Variants in NDUFAF6 observed in about 807,000 individuals in gnomAD.
NDUFAF6 encodes the protein NADH:ubiquinone oxidoreductase complex assembly factor 6, also known as NADH dehydrogenase (ubiquinone) complex I, assembly factor 6.
In NDUFAF6, 45 loss-of-function variants were observed where a neutral mutation model predicts 40.8. The observed-to-expected ratio is 1.10, with a 90% CI of 0.87 to 1.42. The LOEUF (loss-of-function observed/expected upper bound fraction) is 1.42. Among genes scored for constraint, NDUFAF6 ranks in the 40% most tolerant of loss-of-function variants. The pLI is 0.00. For synonymous variants in NDUFAF6, 185 were observed against 155.9 expected (o/e 1.19, Z -1.39); for missense variants, 435 against 418.5 (o/e 1.04, Z -0.34).
intron 1 of NDUFAF6, among the ~76,000 whole-genome samples, chr8:94,908,191 G>A (rs1389529082): frequency 6.6e-6 from 1 of 152,122 alleles, no homozygotes. Context: ...CATTGTGCCT[G>A]GCCAGTGTTG....
chr8:94,979,124 G>A (rs1376892844), intron 1 of NDUFAF6, among the ~76,000 whole-genome samples: 2 of 152,200 alleles, frequency 1.3e-5, no homozygotes, highest in African/African-American at 4.8e-5. Flanking sequence ...ACTGAGAGCC[G>A]TCCTGAGGAT....
intron 3 of NDUFAF6, chr8:95,040,769 TC>T (rs1435746795): frequency 6.6e-6 from 1 of 152,270 alleles, no homozygotes; most frequent in Non-Finnish European, 1.5e-5. Flanking sequence ...GTGACACGCT[TC>T]CGTCATTTTT....
At chr8:95,036,802 TA>T (rs1231538902) in intron 3 of NDUFAF6, among the ~76,000 whole-genome samples, 1 of 152,284 alleles carries the variant, frequency 6.6e-6, no homozygotes, top group African/African-American at 2.4e-5. Flanking sequence ...TTAGGATTGC[TA>T]AATTGTCCGA....
intron 2 of NDUFAF6, among the ~76,000 whole-genome samples, chr8:95,033,479 A>C (rs909605209): frequency 1.3e-5 from 2 of 152,186 alleles, no homozygotes; most frequent in African/African-American, 2.4e-5. Context: ...ACAAGTGTTG[A>C]TTGAATGCAG....
At chr8:94,965,220 G>T (rs181088586) in intron 1 of NDUFAF6, among the ~76,000 whole-genome samples, 1 of 151,174 alleles carries the variant, frequency 6.6e-6, no homozygotes, top group Non-Finnish European at 1.5e-5. Flanking sequence ...CAATTACTGG[G>T]CCATATACAT....
At chr8:95,081,848 T>G (rs2076889434) in intron 2 of NDUFAF6, among the ~76,000 whole-genome samples, 1 of 148,706 alleles carries the variant, frequency 6.7e-6, no homozygotes, top group African/African-American at 2.5e-5. Context: ...GATCATGAGG[T>G]CAGGAGATCA....
chr8:95,080,971 C>G (rs1279684594), downstream of NDUFAF6, among the ~76,000 whole-genome samples: 1 of 152,088 alleles, frequency 6.6e-6, no homozygotes, highest in Non-Finnish European at 1.5e-5. Flanking sequence ...CACCTAGCCT[C>G]GTACTCAAGG....
At chr8:94,925,025 G>A (rs756470765) in intron 1 of NDUFAF6, among the ~76,000 whole-genome samples, 27 of 152,324 alleles carry the variant, frequency 1.8e-4, no homozygotes, top group South Asian at 6.2e-4. Flanking sequence ...TTACAGGCAC[G>A]AGCCATCATG....
chr8:95,100,767 G>C (rs2132076029), intron 1 of NDUFAF6, among the ~76,000 whole-genome samples: 1 of 152,238 alleles, frequency 6.6e-6, no homozygotes, highest in South Asian at 2.1e-4. Context: ...TTCTATTTTT[G>C]TAGACATTTC....
Position 95,058,189 on chromosome 8 carries a change from C to G in NDUFAF6, c.*252C>G. 7.0e-7 allele frequency: 1 copy of G among 1,419,782 alleles called. No individual in the cohort carries two copies. The highest frequency in any genetic ancestry group is 9.1e-7 in the Non-Finnish European group (1 of 1,096,048). 87.9% of individuals were successfully genotyped at this position (1,419,782 alleles called of 1,614,324 possible). On this transcript the variant is annotated 3_prime_UTR_variant, in exon 9 of 9. Coordinates refer to ENST00000396124, the MANE Select transcript of NDUFAF6 (RefSeq NM_152416.4). ...TGTGCTGTCCCTGGAAGCTGGAGCT[C>G]CAACAGGGAATATTGGTGTAGCTGT...
Position 95,094,168 on chromosome 8 carries a change from C to T in NDUFAF6, n.214-6964C>T, listed in dbSNP as rs546780071. Among the ~76,000 whole-genome samples the T allele has an allele frequency of 4.0e-3, 607 of 152,204 alleles. 1 individual carries two copies. Among genetic ancestry groups the T allele is most frequent in the African/African-American group, 0.013 (551 of 41,534 alleles). ...TGTATTTTTAGTAGAGACAGGTTTT[C>T]GCCATGTTGGCCAGACTGGGCTTGA... On this transcript the variant is annotated intron_variant and non_coding_transcript_variant, in intron 2 of 5. Coordinates refer to the NDUFAF6 transcript ENST00000523184.
At chr8:95,054,113 TA>T (rs988639259) in intron 8 of NDUFAF6, among the ~76,000 whole-genome samples, 2 of 151,578 alleles carry the variant, frequency 1.3e-5, no homozygotes, top group East Asian at 1.9e-4. Flanking sequence ...CAGCTAATTT[TA>T]AAAATTATTT....
At chr8:95,010,834 T>TG (rs887923800) in intron 2 of NDUFAF6, among the ~76,000 whole-genome samples, 6 of 151,880 alleles carry the variant, frequency 4.0e-5, no homozygotes, top group Admixed American at 2.6e-4. Flanking sequence ...ACGGTAGGTG[T>TG]GGGAAAGGTT....
intron 1 of NDUFAF6, among the ~76,000 whole-genome samples, chr8:94,970,766 G>A (rs1824401976): frequency 6.6e-6 from 1 of 152,158 alleles, no homozygotes; most frequent in Non-Finnish European, 1.5e-5. Flanking sequence ...TAAAAAGCAG[G>A]ATTGTAAATT....
intron 2 of NDUFAF6, among the ~76,000 whole-genome samples, chr8:95,000,864 G>A (rs1259448404): frequency 2.0e-5 from 3 of 152,052 alleles, no homozygotes; most frequent in African/African-American, 7.2e-5. Flanking sequence ...TTGAACCCAT[G>A]AGGCAGAGGT....
At chr8:95,055,561 A>G (rs1244263134) in intron 8 of NDUFAF6, among the ~76,000 whole-genome samples, 1 of 152,196 alleles carries the variant, frequency 6.6e-6, no homozygotes, top group Non-Finnish European at 1.5e-5. Flanking sequence ...TAAAGCTATT[A>G]AAATTAGCAT....
intron 2 of NDUFAF6, among the ~76,000 whole-genome samples, chr8:95,016,387 C>T (rs998535962): frequency 6.6e-6 from 1 of 152,168 alleles, no homozygotes; most frequent in African/African-American, 2.4e-5. Flanking sequence ...CTTGGAAGTT[C>T]TCTTCTGGCG....
At chr8:95,038,988 T>C (rs895683247) in intron 3 of NDUFAF6, among the ~76,000 whole-genome samples, 2 of 151,440 alleles carry the variant, frequency 1.3e-5, no homozygotes, top group African/African-American at 4.8e-5. Context: ...TGTTTGTTTT[T>C]TTTTTTGAGA....
intron 1 of NDUFAF6, among the ~76,000 whole-genome samples, chr8:94,898,854 T>C (rs1413908908): frequency 6.6e-6 from 1 of 152,264 alleles, no homozygotes; most frequent in African/African-American, 2.4e-5. Flanking sequence ...TCAATAATAC[T>C]TTATCTTGTT....
Sources: allele counts gnomAD v4.1 joint callset (sites outside exome capture counted in the v4.1 genomes callset), GRCh38; gene constraint gnomAD v4.1.1; transcripts MANE v1.5; gene names NCBI Gene and HGNC (gene_info 2026-07-23, HGNC 2026-07-21).